TM9SF4: variants seen among roughly 807,000 people sequenced by gnomAD.
The protein encoded by TM9SF4 is dinucleotide oxidase disulfide thiol exchanger 3 superfamily member 4.
Under a neutral mutation model 90.4 loss-of-function variants are expected in TM9SF4, and 26 were observed. The observed-to-expected ratio is 0.29, with a 90% CI of 0.21 to 0.40. The LOEUF (loss-of-function observed/expected upper bound fraction) is 0.40, where lower values mean the gene tolerates loss of function less well. Ranked by LOEUF, TM9SF4 falls within the 10% of genes least tolerant of loss-of-function variation. The pLI, the probability that TM9SF4 is intolerant of heterozygous loss-of-function variation, is 1.00. For missense variants in TM9SF4, 549 were observed against 834.8 expected, an observed-to-expected ratio of 0.66 and a Z score of 4.22; for synonymous variants, 293 against 315.4, an observed-to-expected ratio of 0.93 and a Z score of 0.75.
chr20:32,160,951 A>C (rs2047008625), intron 16 of TM9SF4: 2 of 48,548 alleles, frequency 4.1e-5, no homozygotes, highest in Admixed American at 2.1e-4. Context: ...CTCCATCTCA[A>C]AAAAAAAAAA....
intron 1 of TM9SF4, among the ~76,000 whole-genome samples, chr20:32,122,461 C>G (rs1293593915): frequency 6.7e-6 from 1 of 149,696 alleles, no homozygotes; most frequent in Non-Finnish European, 1.5e-5. Context: ...GGGCGGCTGC[C>G]GGGCGGAGGG....
intron 1 of TM9SF4, among the ~76,000 whole-genome samples, chr20:32,128,601 C>A (rs1600798786): frequency 6.6e-6 from 1 of 152,130 alleles, no homozygotes. Context: ...CCTTCAGAGC[C>A]TCCAATGTTA....
intron 10 of TM9SF4, among the ~76,000 whole-genome samples, chr20:32,150,186 G>A (rs1028847736): frequency 3.9e-5 from 6 of 152,178 alleles, no homozygotes; most frequent in Non-Finnish European, 1.5e-5. Flanking sequence ...TTACATCTCA[G>A]CCTCATGCCT....
At chr20:32,119,053 T>C (rs1007298632) in intron 1 of TM9SF4, among the ~76,000 whole-genome samples, 6 of 152,154 alleles carry the variant, frequency 3.9e-5, no homozygotes, top group Admixed American at 2.6e-4. Context: ...TGTCAGTCTT[T>C]AAAAAGCTAT....
chr20:32,129,905 A>G (rs777417772), intron 1 of TM9SF4, among the ~76,000 whole-genome samples: 2 of 152,198 alleles, frequency 1.3e-5, no homozygotes, highest in Admixed American at 1.3e-4. Flanking sequence ...ACTATTTTAA[A>G]TAATGTTATT....
intron 1 of TM9SF4, 122 bp from the exon 2 acceptor site, chr20:32,132,890 TG>T (rs2046540195): frequency 1.3e-6 from 1 of 762,164 alleles, no homozygotes; most frequent in Admixed American, 2.8e-5. Context: ...TCAGGCTTCA[TG>T]GGTCAGAGGG....
intron 1 of TM9SF4, among the ~76,000 whole-genome samples, chr20:32,121,673 A>G (rs2046310208): frequency 6.6e-6 from 1 of 152,132 alleles, no homozygotes; most frequent in Non-Finnish European, 1.5e-5. Flanking sequence ...TCCATTCCAC[A>G]AAGCCGCCAC....
At chr20:32,151,644 T>C (rs1215822780) in intron 12 of TM9SF4, among the ~76,000 whole-genome samples, 1 of 152,142 alleles carries the variant, frequency 6.6e-6, no homozygotes, top group Non-Finnish European at 1.5e-5. Context: ...TTTGGGAGGA[T>C]CAAAGAAAGG....
intron 17 of TM9SF4, 45 bp downstream of exon 17, chr20:32,161,410 G>C: frequency 1.3e-6 from 2 of 1,580,348 alleles, no homozygotes; most frequent in South Asian, 2.2e-5. Context: ...CATAGGGTAG[G>C]AAGGTCAGGA....
chr20:32,136,845 AACTTAAGAG>A (rs2046601486), intron 3 of TM9SF4: 2 of 471,046 alleles, frequency 4.2e-6, no homozygotes, highest in Non-Finnish European at 8.8e-6. Context: ...GACCTCAGGG[AACTTAAGAG>A]ACTTTCTTTT....
At chr20:32,163,667 A>C (rs985047016) in intron 17 of TM9SF4, among the ~76,000 whole-genome samples, 1 of 136,402 alleles carries the variant, frequency 7.3e-6, no homozygotes, top group East Asian at 2.2e-4. Flanking sequence ...GCTGGAGTGC[A>C]GTGGTGCGAT....
chr20:32,156,399 T>C (rs2046920893), intron 13 of TM9SF4, among the ~76,000 whole-genome samples: 1 of 152,196 alleles, frequency 6.6e-6, no homozygotes, highest in Non-Finnish European at 1.5e-5. Context: ...AGTTGTCCCT[T>C]GGTATTCATA....
rs62204985 is a variant in TM9SF4, at chr20:32,122,276, G to A, written c.16-10737G>A. On this transcript the variant is annotated intron_variant, in intron 1 of 17. Coordinates refer to ENST00000398022, the MANE Select transcript of TM9SF4 (RefSeq NM_014742.4). ...GGGGCTGACCCCCCACCTCCCTCCCGGACGGGGCGGCTGGCCTGGCGGGGG... is the reference window on the plus strand; with the variant it reads ...GGGGCTGACCCCCCACCTCCCTCCCAGACGGGGCGGCTGGCCTGGCGGGGG... Among the ~76,000 whole-genome samples the A allele has an allele frequency of 6.4e-3, 653 of 101,922 alleles. 13 individuals carry two copies. The highest frequency in any genetic ancestry group is 0.027 in the African/African-American group (626 of 22,980). The allele number at this position is 101,922 out of a possible 152,430, so 66.9% of individuals were successfully genotyped here.
rs181001225 is a variant in TM9SF4, at chr20:32,118,377, A to G, written c.15+8622A>G. Among the ~76,000 whole-genome samples, 6 of 152,302 alleles carry G rather than the reference A, an allele frequency of 3.9e-5. 1 individual carries two copies. The highest frequency in any genetic ancestry group is 2.0e-4 in the Admixed American group (3 of 15,292). On this transcript the variant is annotated intron_variant, in intron 1 of 17. Coordinates refer to ENST00000398022, the MANE Select transcript of TM9SF4 (RefSeq NM_014742.4). ...CTGTGGAACTCATCCCAGTATTTTC[A>G]GAGGCAACCCATTTCCTTCACTTCT...
intron 1 of TM9SF4, among the ~76,000 whole-genome samples, chr20:32,122,846 G>A (rs931372348): frequency 3.9e-5 from 6 of 151,954 alleles, no homozygotes; most frequent in East Asian, 2.0e-4. Flanking sequence ...GTAGCGAGCC[G>A]AGATCACGCC....
chr20:32,145,299 T>C lies in TM9SF4; in HGVS notation c.772-13T>C. The C allele has an allele frequency of 6.2e-7, 1 of 1,613,994 alleles. No individual in the cohort carries two copies. Among genetic ancestry groups the C allele is most frequent in the Non-Finnish European group, 8.5e-7 (1 of 1,179,898 alleles). Reference sequence around the variant, plus strand: ...AGGATGCCTGACTCTAAGTGCTTCCTCCCACCTGCCAGGAAAGTGATATCA... The same window carrying C: ...AGGATGCCTGACTCTAAGTGCTTCCCCCCACCTGCCAGGAAAGTGATATCA... On this transcript the variant is annotated splice_polypyrimidine_tract_variant and intron_variant, in intron 7 of 17. Transcript: ENST00000398022.
rs1177101228 is a variant in TM9SF4, at chr20:32,141,805, C to G, written c.438C>G (p.Leu146=). The G allele has an allele frequency of 1.2e-6, 2 of 1,614,138 alleles. No homozygotes were observed. Among genetic ancestry groups the G allele is most frequent in the Non-Finnish European group, 1.7e-6 (2 of 1,180,026 alleles). Residue 146 remains leucine, a synonymous_variant, in exon 5 of 18, where the codon CTC becomes CTG. Transcript: ENST00000398022. The stretch of plus-strand genomic sequence containing the variant: ...TGCCTGTGGCCACCCGGCTGGAGCT[C>G]TACTCCAACCGAGACAGCGATGACA... ...DNLPVATRLE[L]YSNRDSDDKK...
chr20:32,123,864 A>ATTTTTTTTT (rs1251272520), intron 1 of TM9SF4, among the ~76,000 whole-genome samples: 2 of 60,186 alleles, frequency 3.3e-5, no homozygotes, highest in Non-Finnish European at 6.5e-5. Flanking sequence ...ATATATATAT[A>ATTTTTTTTT]TATTTTTTTT....
Position 32,165,285 on chromosome 20 carries a change from G to C in TM9SF4, c.1780-10G>C. The C allele has an allele frequency of 6.2e-7, 1 of 1,613,982 alleles. No individual in the cohort carries two copies. The highest frequency in any genetic ancestry group is 8.5e-7 in the Non-Finnish European group (1 of 1,179,934). On this transcript the variant is annotated splice_polypyrimidine_tract_variant and intron_variant, in intron 17 of 17. Transcript: ENST00000398022. Reference sequence around the variant, plus strand: ...CATGCACCCTGTCTTCTTTCTGCTCGTGGCCGCAGCTGGACATCGTGGAGT... The same window carrying C: ...CATGCACCCTGTCTTCTTTCTGCTCCTGGCCGCAGCTGGACATCGTGGAGT...
Sources: allele counts gnomAD v4.1 joint callset (sites outside exome capture counted in the v4.1 genomes callset), GRCh38; gene constraint gnomAD v4.1.1; transcripts MANE v1.5; gene names NCBI Gene and HGNC (gene_info 2026-07-23, HGNC 2026-07-21).